The following STK31 variants were observed in gnomAD, a reference collection of about 807,000 sequenced individuals.
STK31 encodes the protein serine/threonine-protein kinase 31.
In STK31, 89 loss-of-function variants were observed where a neutral mutation model predicts 129.7. The observed-to-expected ratio is 0.69, with a 90% confidence interval of 0.58 to 0.82. The LOEUF is 0.82. Among genes scored for constraint, STK31 ranks in the 40% least tolerant of loss-of-function variants. STK31 has a pLI of 0.00. For missense variants in STK31, 1,187 were observed against 1,176.4 expected, an observed-to-expected ratio of 1.01 and a Z score of -0.13; for synonymous variants, 448 against 395.3, an observed-to-expected ratio of 1.13 and a Z score of -1.58.
intron 6 of STK31, among the ~76,000 whole-genome samples, chr7:23,730,277 A>G (rs1488191405): frequency 2.0e-5 from 3 of 152,252 alleles, no homozygotes. Context: ...CATTGTAAGC[A>G]TTATAAAGAA....
At chr7:23,775,165 C>T (rs1420823780) in intron 15 of STK31, among the ~76,000 whole-genome samples, 1 of 152,038 alleles carries the variant, frequency 6.6e-6, no homozygotes, top group African/African-American at 2.4e-5. Context: ...TTTCTGAGGC[C>T]TCTTTGTGTT....
chr7:23,754,832 T>A (rs1468585528), intron 10 of STK31, among the ~76,000 whole-genome samples: 1 of 152,218 alleles, frequency 6.6e-6, no homozygotes, highest in Non-Finnish European at 1.5e-5. Flanking sequence ...CATAAACTCG[T>A]TCCTTTTTAT....
intron 4 of STK31, among the ~76,000 whole-genome samples, chr7:23,717,874 G>T (rs930008918): frequency 6.6e-6 from 1 of 152,150 alleles, no homozygotes; most frequent in Non-Finnish European, 1.5e-5. Context: ...GAAGTACTTA[G>T]AGTAGTCAAA....
intron 23 of STK31, among the ~76,000 whole-genome samples, chr7:23,829,822 G>A (rs1371826316): frequency 6.6e-6 from 1 of 152,180 alleles, no homozygotes; most frequent in Non-Finnish European, 1.5e-5. Context: ...TTACTGGTCT[G>A]TTCATGTTTT....
intron 4 of STK31, among the ~76,000 whole-genome samples, chr7:23,717,787 A>C (rs569986096): frequency 6.6e-6 from 1 of 152,238 alleles, no homozygotes; most frequent in South Asian, 2.1e-4. Flanking sequence ...GTAAGCTACA[A>C]CATGGATGAA....
rs189675071 is a variant in STK31, at chr7:23,727,440, C to A, written c.324+125C>A. The A allele has an allele frequency of 4.4e-3, 3,120 of 709,286 alleles. 21 individuals are homozygous for A. Among genetic ancestry groups the A allele is most frequent in the Middle Eastern group, 6.7e-3 (20 of 2,980 alleles). 43.9% of individuals were successfully genotyped at this position (709,286 alleles called of 1,614,324 possible). Reference sequence around the variant, plus strand: ...CTGATACCTGGTTCAGTGATTAAAACACAGAAGAAATTAATTGCTAAAAAA... The same window carrying A: ...CTGATACCTGGTTCAGTGATTAAAAAACAGAAGAAATTAATTGCTAAAAAA... On this transcript the variant is annotated intron_variant, in intron 5 of 23. Transcript: ENST00000355870.
chr7:23,787,839 TTCTC>T (rs1791387620), intron 20 of STK31, 137 bp from the exon 21 acceptor site: 1 of 710,692 alleles, frequency 1.4e-6, no homozygotes, highest in Non-Finnish European at 2.1e-6. Flanking sequence ...CATCTGGTCT[TTCTC>T]TATGCTGTAT....
intron 23 of STK31, among the ~76,000 whole-genome samples, chr7:23,822,136 AC>A (rs1793821318): frequency 6.6e-6 from 1 of 152,118 alleles, no homozygotes; most frequent in South Asian, 2.1e-4. Context: ...TTTTAGTTCT[AC>A]ATGAAATTTA....
At chr7:23,759,592 T>C (rs1789327350) in intron 10 of STK31, among the ~76,000 whole-genome samples, 1 of 152,216 alleles carries the variant, frequency 6.6e-6, no homozygotes, top group Admixed American at 6.5e-5. Context: ...AAGAAAGGTG[T>C]AATAGACAAC....
chr7:23,762,307 T>C (rs1413791009), intron 10 of STK31, among the ~76,000 whole-genome samples: 1 of 150,682 alleles, frequency 6.6e-6, no homozygotes, highest in East Asian at 2.0e-4. Flanking sequence ...AGGATGGATA[T>C]ATTAATATAT....
intron 15 of STK31, 41 bp from the exon 16 acceptor site, chr7:23,781,378 T>A (rs370887890): frequency 2.6e-5 from 38 of 1,448,530 alleles, no homozygotes; most frequent in Non-Finnish European, 3.3e-5. Flanking sequence ...AGACTTGTTT[T>A]CTCTATGTTA....
At chr7:23,734,908 T>C (rs1275572725) in intron 6 of STK31, among the ~76,000 whole-genome samples, 2 of 152,166 alleles carry the variant, frequency 1.3e-5, no homozygotes, top group Non-Finnish European at 2.9e-5. Context: ...GAGGTTGCAA[T>C]GAGCCGAGAT....
chr7:23,814,214 C>T (rs1404989330), intron 22 of STK31, among the ~76,000 whole-genome samples: 1 of 122,178 alleles, frequency 8.2e-6, no homozygotes, highest in Non-Finnish European at 1.6e-5. Context: ...TCCTCTAGTC[C>T]TGGGGTCTTC....
intron 3 of STK31, among the ~76,000 whole-genome samples, chr7:23,715,509 T>C (rs1786258493): frequency 6.7e-6 from 1 of 150,246 alleles, no homozygotes; most frequent in Admixed American, 6.6e-5. Context: ...TTCCCAGCTA[T>C]GTGGGAGGCT....
chr7:23,744,964 G>T (rs1185385222), intron 8 of STK31, among the ~76,000 whole-genome samples: 4 of 152,180 alleles, frequency 2.6e-5, no homozygotes, highest in African/African-American at 9.7e-5. Flanking sequence ...GCAGTGGTGG[G>T]CCAGACAGGT....
intron 23 of STK31, among the ~76,000 whole-genome samples, chr7:23,819,253 G>C (rs545422419): frequency 6.6e-6 from 1 of 152,278 alleles, no homozygotes; most frequent in South Asian, 2.1e-4. Flanking sequence ...ATTCTGTAGA[G>C]TACAGACATT....
intron 22 of STK31, 57 bp from the exon 23 acceptor site, chr7:23,815,087 C>T: frequency 1.5e-6 from 2 of 1,293,934 alleles, no homozygotes; most frequent in Non-Finnish European, 2.1e-6. Context: ...GTTGACTCTT[C>T]TATAGATTGG....
intron 3 of STK31, among the ~76,000 whole-genome samples, chr7:23,713,258 A>G (rs1786089347): frequency 6.6e-6 from 1 of 152,200 alleles, no homozygotes; most frequent in Non-Finnish European, 1.5e-5. Flanking sequence ...GTCTTTATGT[A>G]TCTAAACATG....
intron 8 of STK31, among the ~76,000 whole-genome samples, chr7:23,745,266 G>C (rs1307665034): frequency 6.6e-6 from 1 of 152,158 alleles, no homozygotes; most frequent in African/African-American, 2.4e-5. Context: ...ACTGGTGAGA[G>C]GGGTTATGGA....
Sources: gnomAD v4.1 joint callset for allele counts (sites outside exome capture counted in the v4.1 genomes callset) on GRCh38, gnomAD v4.1.1 for gene constraint, MANE v1.5 for transcripts, NCBI Gene and HGNC (gene_info 2026-07-23, HGNC 2026-07-21) for gene names.